Variants in FAM227B observed in about 807,000 individuals in gnomAD.
The protein encoded by FAM227B is family with sequence similarity 227 member B.
A neutral mutation model predicts 73.8 loss-of-function variants in FAM227B; 88 were observed. The observed-to-expected ratio is 1.19, with a 90% CI of 1.00 to 1.42. The LOEUF is 1.42. Among genes scored for constraint, FAM227B ranks in the 40% most tolerant of loss-of-function variants. The pLI, the probability that FAM227B is intolerant of heterozygous loss-of-function variation, is 0.00. For missense variants in FAM227B, 632 were observed against 590.9 expected (o/e 1.07, Z -0.72); for synonymous variants, 210 against 190.5 (o/e 1.10, Z -0.84).
chr15:49,495,629 T>C (rs1453359854), intron 11 of FAM227B, among the ~76,000 whole-genome samples: 2 of 152,364 alleles, frequency 1.3e-5, no homozygotes, highest in East Asian at 3.9e-4. Context: ...TTTTACTGGC[T>C]TAGTTCTCAA....
At chr15:49,364,556 C>A (rs2044790726) in intron 13 of FAM227B, among the ~76,000 whole-genome samples, 1 of 152,020 alleles carries the variant, frequency 6.6e-6, no homozygotes, top group African/African-American at 2.4e-5. Context: ...GAAGTAATTT[C>A]AGTTCTCAAG....
chr15:49,552,563 C>T (rs1051844303), intron 9 of FAM227B, among the ~76,000 whole-genome samples: 2 of 152,132 alleles, frequency 1.3e-5, no homozygotes, highest in Non-Finnish European at 2.9e-5. Flanking sequence ...CTTTCAATAA[C>T]CTATCTACCC....
chr15:49,548,484 T>C (rs925084400), intron 9 of FAM227B, among the ~76,000 whole-genome samples: 4 of 152,230 alleles, frequency 2.6e-5, no homozygotes, highest in African/African-American at 9.6e-5. Context: ...AGTTTTCTTT[T>C]CTTTTCTTGA....
intron 11 of FAM227B, among the ~76,000 whole-genome samples, chr15:49,457,445 A>G (rs1567313655): frequency 6.6e-6 from 1 of 152,066 alleles, no homozygotes; most frequent in Non-Finnish European, 1.5e-5. Context: ...CCATTAACTA[A>G]AACAGGAAAA....
chr15:49,537,713 TA>T (rs1305281634), intron 10 of FAM227B, among the ~76,000 whole-genome samples: 1 of 152,134 alleles, frequency 6.6e-6, no homozygotes, highest in Non-Finnish European at 1.5e-5. Flanking sequence ...GGTGTATGTG[TA>T]AAACAGAATA....
chr15:49,384,372 C>G (rs1412586103), intron 11 of FAM227B, among the ~76,000 whole-genome samples: 2 of 151,996 alleles, frequency 1.3e-5, no homozygotes, highest in African/African-American at 4.8e-5. Flanking sequence ...AAAGTGCCTA[C>G]TGAGTGTTAA....
rs115675616 is a variant in FAM227B, at chr15:49,606,454, A to G, written c.105+4761T>C. 8.0e-3 allele frequency among the ~76,000 whole-genome samples: 1,222 copies of G among 152,078 alleles called. 19 individuals carry two copies. Among genetic ancestry groups the G allele is most frequent in the African/African-American group, 0.029 (1,184 of 41,468 alleles). On this transcript the variant is annotated intron_variant, in intron 3 of 15. Transcript: ENST00000299338. The stretch of plus-strand genomic sequence containing the variant: ...TTTGATCAATCCTTTTATGTAACCA[A>G]TCTCTCATATTTGCTCCCAGACTCT...
intron 2 of FAM227B, among the ~76,000 whole-genome samples, chr15:49,612,361 G>C (rs373503338): frequency 4.5e-4 from 69 of 152,110 alleles, no homozygotes; most frequent in African/African-American, 1.6e-3. Context: ...TTGTCCTTGC[G>C]ATAGTTTGCT....
chr15:49,380,527 G>T (rs2046455661), intron 11 of FAM227B, among the ~76,000 whole-genome samples: 1 of 151,832 alleles, frequency 6.6e-6, no homozygotes, highest in African/African-American at 2.4e-5. Context: ...ACCCATAAAA[G>T]AAGGTTATGT....
chr15:49,331,568 G>T, intron 15 of FAM227B: 1 of 487,954 alleles, frequency 2.0e-6, no homozygotes, highest in Non-Finnish European at 3.6e-6. Context: ...CTGGTCAGAA[G>T]CTGGAAATGG....
intron 10 of FAM227B, among the ~76,000 whole-genome samples, chr15:49,536,703 T>G (rs904108981): frequency 2.0e-5 from 3 of 151,936 alleles, no homozygotes; most frequent in African/African-American, 7.2e-5. Flanking sequence ...AACTATGGTA[T>G]TGGCATGAAC....
At chr15:49,427,059 A>C (rs1016084894) in intron 11 of FAM227B, among the ~76,000 whole-genome samples, 2 of 151,982 alleles carry the variant, frequency 1.3e-5, no homozygotes, top group Non-Finnish European at 2.9e-5. Context: ...TACAATGAAG[A>C]ATATATGGAG....
chr15:49,470,618 A>G (rs974514817), intron 11 of FAM227B, among the ~76,000 whole-genome samples: 3 of 152,208 alleles, frequency 2.0e-5, no homozygotes, highest in African/African-American at 7.2e-5. Flanking sequence ...TGACTTCTCT[A>G]ACTTCTTTTG....
chr15:49,362,704 C>T (rs920114422), intron 13 of FAM227B, among the ~76,000 whole-genome samples: 20 of 152,018 alleles, frequency 1.3e-4, no homozygotes, highest in African/African-American at 2.9e-4. Flanking sequence ...CCATTTCCTA[C>T]GTTCAGAATG....
chr15:49,429,386 A>G (rs1204825475), intron 11 of FAM227B, among the ~76,000 whole-genome samples: 1 of 151,944 alleles, frequency 6.6e-6, no homozygotes, highest in Admixed American at 6.6e-5. Flanking sequence ...CTTTTTGGCT[A>G]TCACATGTGC....
chr15:49,410,104 A>T (rs2048773234), intron 11 of FAM227B, among the ~76,000 whole-genome samples: 2 of 152,054 alleles, frequency 1.3e-5, no homozygotes, highest in East Asian at 3.9e-4. Context: ...TCACAACTGT[A>T]CTCTCACTTC....
chr15:49,527,192 G>A (rs748121152), intron 10 of FAM227B, among the ~76,000 whole-genome samples: 9 of 151,990 alleles, frequency 5.9e-5, no homozygotes, highest in Non-Finnish European at 7.4e-5. Context: ...AATGCATCAC[G>A]GTCAAGTGGG....
At chr15:49,515,473 T>C (rs2059313249) in intron 10 of FAM227B, among the ~76,000 whole-genome samples, 1 of 152,202 alleles carries the variant, frequency 6.6e-6, no homozygotes, top group Admixed American at 6.5e-5. Context: ...TGTTGATTGC[T>C]TTTTCGCTTG....
intron 3 of FAM227B, among the ~76,000 whole-genome samples, chr15:49,593,975 A>T (rs1347388110): frequency 6.6e-6 from 1 of 152,160 alleles, no homozygotes; most frequent in African/African-American, 2.4e-5. Flanking sequence ...CAAATGGTAG[A>T]TCTACTTTTA....
Sources: allele counts gnomAD v4.1 joint callset (sites outside exome capture counted in the v4.1 genomes callset), GRCh38; gene constraint gnomAD v4.1.1; transcripts MANE v1.5; gene names NCBI Gene and HGNC (gene_info 2026-07-23, HGNC 2026-07-21).